The following SYT9 variants were observed in gnomAD, a reference collection of about 807,000 sequenced individuals.
SYT9 encodes the protein synaptotagmin 9.
In SYT9, 22 loss-of-function variants were observed where a neutral mutation model predicts 48.4. That is an observed-to-expected ratio of 0.45 (90% confidence interval 0.32 to 0.65). The LOEUF is 0.65. SYT9 is among the 30% of genes least tolerant of loss of function. SYT9 has a pLI of 0.03. For missense variants in SYT9, 577 were observed against 622.0 expected, an observed-to-expected ratio of 0.93 and a Z score of 0.77; for synonymous variants, 265 against 245.0, an observed-to-expected ratio of 1.08 and a Z score of -0.76.
intron 1 of SYT9, among the ~76,000 whole-genome samples, chr11:7,239,313 C>A (rs1309350665): frequency 3.3e-5 from 5 of 152,152 alleles, no homozygotes; most frequent in South Asian, 2.1e-4. Flanking sequence ...AAGCCTGGGT[C>A]TTTCCCTGGG....
chr11:7,245,551 TTATTCTGTTTG>T (rs1451024426), intron 1 of SYT9, among the ~76,000 whole-genome samples: 2 of 152,202 alleles, frequency 1.3e-5, no homozygotes, highest in East Asian at 3.8e-4. Context: ...ACCCAGTGTC[TTATTCTGTTTG>T]TACTGCTGTA....
Position 7,369,061 on chromosome 11 carries a change from G to A in SYT9, c.1045-46981G>A, listed in dbSNP as rs551515755. On this transcript the variant is annotated intron_variant, in intron 3 of 6. Coordinates refer to ENST00000318881, the MANE Select transcript of SYT9 (RefSeq NM_175733.4). ...TAAAACCTTGAGGAATTGCCACCCTGTCTTCCACAATGGTTGAACTAATTT... is the reference window on the plus strand; with the variant it reads ...TAAAACCTTGAGGAATTGCCACCCTATCTTCCACAATGGTTGAACTAATTT... Among the ~76,000 whole-genome samples the A allele has an allele frequency of 2.0e-4, 30 of 152,296 alleles. No individual in the cohort carries two copies. The South Asian group carries it at 6.0e-3, about 31-fold the overall frequency.
chr11:7,362,943 A>G (rs1227209954), intron 3 of SYT9, among the ~76,000 whole-genome samples: 1 of 15,290 alleles, frequency 6.5e-5, no homozygotes, highest in African/African-American at 2.3e-4. Flanking sequence ...CTTGCCATTT[A>G]TTGGCCTTTT....
At chr11:7,372,058 T>C (rs1850371240) in intron 3 of SYT9, among the ~76,000 whole-genome samples, 1 of 152,164 alleles carries the variant, frequency 6.6e-6, no homozygotes, top group South Asian at 2.1e-4. Context: ...ATAGGATATA[T>C]CTATGTTTGT....
In SYT9 at chr11:7,424,252, A is replaced by G. The variant is rs533367293; in HGVS notation, c.1467+3617A>G. Among the ~76,000 whole-genome samples the G allele has an allele frequency of 2.6e-5, 4 of 152,198 alleles. No individual in the cohort carries two copies. In the East Asian group the frequency reaches 5.8e-4, roughly 22 times the overall value. The stretch of plus-strand genomic sequence containing the variant: ...TCTGGATGAATTCACTGCACACTCA[A>G]AGGTCAGCCAGTAGGGCTCCCTTTA... On this transcript the variant is annotated intron_variant, in intron 6 of 6. Coordinates refer to ENST00000318881, the MANE Select transcript of SYT9 (RefSeq NM_175733.4).
intron 3 of SYT9, among the ~76,000 whole-genome samples, chr11:7,411,986 G>A (rs1327600790): frequency 1.3e-5 from 2 of 151,988 alleles, no homozygotes; most frequent in African/African-American, 4.8e-5. Context: ...CTAATCTATT[G>A]TTGGAGGTTT....
At chr11:7,456,613 T>A (rs1385601764) in intron 6 of SYT9, among the ~76,000 whole-genome samples, 1 of 152,262 alleles carries the variant, frequency 6.6e-6, no homozygotes, top group Non-Finnish European at 1.5e-5. Context: ...TCACTAAAGT[T>A]TAGGGTCAGT....
chr11:7,339,239 G>A (rs1036444582), intron 3 of SYT9, among the ~76,000 whole-genome samples: 2 of 151,996 alleles, frequency 1.3e-5, no homozygotes, highest in African/African-American at 4.8e-5. Flanking sequence ...TGAGGCTATA[G>A]GTCTCATTGC....
At chr11:7,421,143 C>G (rs1164875090) in intron 6 of SYT9, among the ~76,000 whole-genome samples, 1 of 152,190 alleles carries the variant, frequency 6.6e-6, no homozygotes, top group Admixed American at 6.5e-5. Context: ...ATTTATTTCT[C>G]TCTCTTATAT....
rs148974665 is a variant in SYT9, at chr11:7,293,867, C to A, written c.146-9172C>A. On this transcript the variant is annotated intron_variant, in intron 1 of 6. Coordinates refer to ENST00000318881, the MANE Select transcript of SYT9 (RefSeq NM_175733.4). ...CACTTTCTCTTTCTCCTGCTGAAGT[C>A]TTTTGGCCCCATGACAGATGACCTG... Among the ~76,000 whole-genome samples the A allele has an allele frequency of 1.5e-3, 226 of 152,270 alleles. 1 individual carries two copies. The highest frequency in any genetic ancestry group is 4.9e-3 in the African/African-American group (204 of 41,556).
At chr11:7,261,986 G>T (rs1269016252) in intron 1 of SYT9, among the ~76,000 whole-genome samples, 2 of 152,194 alleles carry the variant, frequency 1.3e-5, no homozygotes, top group Non-Finnish European at 2.9e-5. Context: ...GGATCACTCT[G>T]ACCAGCACAT....
At chr11:7,260,588 A>G (rs1049758475) in intron 1 of SYT9, among the ~76,000 whole-genome samples, 1 of 152,200 alleles carries the variant, frequency 6.6e-6, no homozygotes, top group Non-Finnish European at 1.5e-5. Context: ...TTATATCATA[A>G]GCCCAAAGCA....
rs1247555748 is a variant in SYT9 at position 7,313,611 on chromosome 11, A to G, written c.714A>G (p.Ile238Met). The G allele has an allele frequency of 6.2e-7, 1 of 1,614,084 alleles. No homozygotes were observed. The highest frequency in any genetic ancestry group is 8.5e-7 in the Non-Finnish European group (1 of 1,180,030). ...LKYDCDLEQL[I>M]VKIHKAVNLP... ...ATGACTGTGACTTAGAGCAGCTCATAGTGAAGATTCACAAAGCTGTCAATT... is the reference window on the plus strand; with the variant it reads ...ATGACTGTGACTTAGAGCAGCTCATGGTGAAGATTCACAAAGCTGTCAATT... The change falls in exon 3 of 7, where the codon ATA (isoleucine) becomes ATG (methionine). Residue 238 changes from isoleucine (I) to methionine (M), a missense_variant. Transcript: ENST00000318881.
upstream of SYT9, among the ~76,000 whole-genome samples, chr11:7,250,270 GCAAT>G (rs1847843619): frequency 6.6e-6 from 1 of 152,138 alleles, no homozygotes; most frequent in African/African-American, 2.4e-5. Context: ...GATGTTTCTA[GCAAT>G]CAGCTAATGC....
intron 3 of SYT9, among the ~76,000 whole-genome samples, chr11:7,322,363 C>T (rs1017509656): frequency 6.6e-6 from 1 of 152,152 alleles, no homozygotes; most frequent in African/African-American, 2.4e-5. Flanking sequence ...CACAGAAAGC[C>T]ATGGTTTCCA....
At chr11:7,262,401 A>G (rs1252913103) in intron 1 of SYT9, among the ~76,000 whole-genome samples, 1 of 152,072 alleles carries the variant, frequency 6.6e-6, no homozygotes, top group Non-Finnish European at 1.5e-5. Flanking sequence ...AGGTATAAAC[A>G]TGGGAGTCAT....
At chr11:7,296,784 G>T (rs1848816338) in intron 1 of SYT9, among the ~76,000 whole-genome samples, 1 of 152,112 alleles carries the variant, frequency 6.6e-6, no homozygotes. Flanking sequence ...AATTGTTCTG[G>T]ATTATCAGTA....
At chr11:7,417,121 A>C (rs1244332231) in intron 4 of SYT9, among the ~76,000 whole-genome samples, 1 of 152,108 alleles carries the variant, frequency 6.6e-6, no homozygotes, top group Admixed American at 6.6e-5. Context: ...CTGAAATCAA[A>C]GAACATCAGA....
intron 1 of SYT9, among the ~76,000 whole-genome samples, chr11:7,276,947 G>C (rs961049761): frequency 6.6e-6 from 1 of 151,694 alleles, no homozygotes; most frequent in African/African-American, 2.4e-5. Context: ...CCAGCTACTC[G>C]GGAGGCTGAG....
Sources: allele counts gnomAD v4.1 joint callset (sites outside exome capture counted in the v4.1 genomes callset), GRCh38; gene constraint gnomAD v4.1.1; transcripts MANE v1.5; gene names NCBI Gene and HGNC (gene_info 2026-07-23, HGNC 2026-07-21).